The following SLC10A6 variants were observed in gnomAD, a reference collection of about 807,000 sequenced individuals.
The protein encoded by SLC10A6 is solute carrier family 10 member 6, also known as sodium-dependent organic anion transporter.
Under a neutral mutation model 30.0 loss-of-function variants are expected in SLC10A6, and 27 were observed. The ratio of observed to expected loss-of-function variants is 0.90; its 90% CI spans 0.66 to 1.24. The LOEUF is 1.24. Ranked by LOEUF, SLC10A6 falls within the 50% of genes most tolerant of loss-of-function variation. The pLI is 0.00. For synonymous variants in SLC10A6, 166 were observed against 173.8 expected (o/e 0.95, Z 0.36); for missense variants, 439 against 457.0 (o/e 0.96, Z 0.36).
intron 1 of SLC10A6, among the ~76,000 whole-genome samples, chr4:86,842,842 CTTT>C (rs1716567351): frequency 1.2e-4 from 5 of 40,322 alleles, no homozygotes; most frequent in East Asian, 4.3e-4. Context: ...TTCTTTCTTT[CTTT>C]CTTTCTTTCT....
chr4:86,837,601 T>A (rs1013778562), intron 1 of SLC10A6: 28 of 985,238 alleles, frequency 2.8e-5, no homozygotes, highest in Non-Finnish European at 3.3e-5. Context: ...CCATCCCAAA[T>A]CTATTCTTTC....
intron 3 of SLC10A6, among the ~76,000 whole-genome samples, chr4:86,831,309 A>G (rs1406979364): frequency 6.6e-6 from 1 of 152,236 alleles, no homozygotes; most frequent in African/African-American, 2.4e-5. Context: ...TTATTCATGT[A>G]GTCAGCAGCC....
At chr4:86,825,098 C>T (rs1180907602) in intron 5 of SLC10A6, among the ~76,000 whole-genome samples, 1 of 152,204 alleles carries the variant, frequency 6.6e-6, no homozygotes, top group Admixed American at 6.5e-5. Flanking sequence ...GCAAATGTCA[C>T]TTTGGAGCTC....
chr4:86,831,744 G>A (rs375353374), intron 3 of SLC10A6, 48 bp downstream of exon 3: 5 of 1,494,592 alleles, frequency 3.3e-6, no homozygotes, highest in South Asian at 1.2e-5. Flanking sequence ...CTGTCTTTCA[G>A]GCCCCTGAGT....
rs778176559 is a variant in SLC10A6, at chr4:86,828,182, T to C, written c.586-14A>G. On this transcript the variant is annotated splice_polypyrimidine_tract_variant and intron_variant, in intron 3 of 5. Coordinates refer to ENST00000273905, the MANE Select transcript of SLC10A6 (RefSeq NM_197965.3). ...AACGGCCCCAATCTGAAGCAAACAA[T>C]AAAATAAGTGAATATAAACTCAGGG... 6.2e-7 allele frequency: 1 copy of C among 1,603,634 alleles called. No homozygotes were observed.
rs1371094926 is a variant in SLC10A6, at chr4:86,837,338, G to GAAGA, written c.378-3915_378-3914insTCTT. Among the ~76,000 whole-genome samples the GAAGA allele has an allele frequency of 1.3e-4, 19 of 150,220 alleles. 4 individuals carry two copies. The highest frequency in any genetic ancestry group is 4.4e-4 in the African/African-American group (18 of 40,498). ...GGAAGGAAGGAAGGAAGGAAGGAAG[G>GAAGA]AAGGAAGGCAGGCAGGCAGGCTGGG... is the stretch of plus-strand genomic sequence containing the variant. On this transcript the variant is annotated intron_variant, in intron 1 of 5. Coordinates refer to ENST00000273905, the MANE Select transcript of SLC10A6 (RefSeq NM_197965.3).
chr4:86,841,648 G>T (rs1362096518), intron 1 of SLC10A6, among the ~76,000 whole-genome samples: 1 of 152,064 alleles, frequency 6.6e-6, no homozygotes, highest in African/African-American at 2.4e-5. Flanking sequence ...CCTTAAAGCA[G>T]GGAAATTACA....
chr4:86,831,668 G>T, intron 3 of SLC10A6, 124 bp downstream of exon 3: 1 of 764,976 alleles, frequency 1.3e-6, no homozygotes, highest in Non-Finnish European at 2.2e-6. Context: ...CACAGGATGT[G>T]TAAGAAGAAT....
At chr4:86,824,056 T>C (rs144827165) in intron 5 of SLC10A6, among the ~76,000 whole-genome samples, 154 bp from the exon 6 acceptor site, 44 of 152,338 alleles carry the variant, frequency 2.9e-4, no homozygotes, top group African/African-American at 9.6e-4. Context: ...GAGAAAGCTA[T>C]AGAACAGAAG....
chr4:86,848,608 C>T, intron 1 of SLC10A6, 131 bp downstream of exon 1: 7 of 1,226,616 alleles, frequency 5.7e-6, no homozygotes, highest in Non-Finnish European at 7.9e-6. Flanking sequence ...GAACAAGTCT[C>T]TGTGATATTT....
chr4:86,846,604 T>C (rs545283753), intron 1 of SLC10A6, among the ~76,000 whole-genome samples: 1 of 152,228 alleles, frequency 6.6e-6, no homozygotes, highest in East Asian at 1.9e-4. Flanking sequence ...CGGGTACCTG[T>C]ATTCCCAGCT....
Position 86,827,998 on chromosome 4 carries a change from C to A in SLC10A6, c.756G>T (p.Trp252Cys), listed in dbSNP as rs1746023653. Residue 252 changes from tryptophan to cysteine, a missense_variant, in exon 4 of 6, where the codon TGG becomes TGT. Coordinates refer to ENST00000273905, the MANE Select transcript of SLC10A6 (RefSeq NM_197965.3). ...TATGGATAGTTTAACTATACCTTTG[C>A]CAAGACTGGTGGGTAAAAAGTGCCA... Reference protein sequence around the residue: ...FLLALFTHQSWQRCRTISLET... With the variant: ...FLLALFTHQSCQRCRTISLET... 1 of 1,613,360 alleles carries A rather than the reference C, an allele frequency of 6.2e-7. No individual in the cohort carries two copies. The highest frequency in any genetic ancestry group is 2.2e-5 in the East Asian group (1 of 44,870).
intron 1 of SLC10A6, chr4:86,837,524 G>T (rs1025399866): frequency 8.0e-6 from 7 of 870,278 alleles, no homozygotes; most frequent in Non-Finnish European, 9.7e-6. Flanking sequence ...AAGGCTAAAA[G>T]CCAATAAAAA....
intron 1 of SLC10A6, among the ~76,000 whole-genome samples, chr4:86,842,468 T>C (rs1404600912): frequency 6.6e-6 from 1 of 152,122 alleles, no homozygotes; most frequent in African/African-American, 2.4e-5. Flanking sequence ...GGTGGGAGGA[T>C]TGCTTGAGCC....
intron 2 of SLC10A6, among the ~76,000 whole-genome samples, chr4:86,832,549 C>T (rs577660898): frequency 9.2e-5 from 14 of 151,586 alleles, no homozygotes; most frequent in South Asian, 8.3e-4. Context: ...CGAGATTGCA[C>T]GACTGCACTC....
chr4:86,841,220 T>G (rs1746283584), intron 1 of SLC10A6, among the ~76,000 whole-genome samples: 1 of 152,200 alleles, frequency 6.6e-6, no homozygotes, highest in African/African-American at 2.4e-5. Flanking sequence ...AAGTGAGATT[T>G]ATATCCGACT....
intron 3 of SLC10A6, among the ~76,000 whole-genome samples, chr4:86,828,817 T>G (rs1746037658): frequency 6.6e-6 from 1 of 152,106 alleles, no homozygotes; most frequent in African/African-American, 2.4e-5. Context: ...TAACAAAATT[T>G]TGAATAGTTT....
intron 1 of SLC10A6, among the ~76,000 whole-genome samples, chr4:86,842,352 A>T (rs1282187620): frequency 1.3e-5 from 2 of 152,206 alleles, no homozygotes; most frequent in Non-Finnish European, 2.9e-5. Flanking sequence ...ATACATCCTT[A>T]CGGAAGAATG....
Position 86,848,917 on chromosome 4 carries a change from C to T in SLC10A6, c.199G>A (p.Gly67Ser). 1.2e-6 allele frequency: 2 copies of T among 1,614,148 alleles called. No individual in the cohort carries two copies. The highest frequency in any genetic ancestry group is 1.1e-5 in the South Asian group (1 of 91,086). Residue 67 changes from glycine (G) to serine (S), a missense_variant, in exon 1 of 6, where the codon GGC becomes AGC. Transcript: ENST00000273905. Reference protein sequence around the residue: ...KLWSHIRRPWGIAVGLLCQFG... With the variant: ...KLWSHIRRPWSIAVGLLCQFG... ...TGGCAGAGCAGTCCCACAGCAATGC[C>T]CCAGGGTCTCCTGATGTGCGACCAC...
Sources: gnomAD v4.1 joint callset for allele counts (sites outside exome capture counted in the v4.1 genomes callset) on GRCh38, gnomAD v4.1.1 for gene constraint, MANE v1.5 for transcripts, NCBI Gene and HGNC (gene_info 2026-07-23, HGNC 2026-07-21) for gene names.